TRAPPC9: variants seen among roughly 807,000 people sequenced by gnomAD.
TRAPPC9 encodes IKK2 binding protein.
Under a neutral mutation model 124.0 loss-of-function variants are expected in TRAPPC9, and 83 were observed. The ratio of observed to expected loss-of-function variants is 0.67; its 90% CI spans 0.56 to 0.80. The LOEUF is 0.80. Ranked by LOEUF, TRAPPC9 falls within the 30% of genes least tolerant of loss-of-function variation. TRAPPC9 has a pLI of 0.00. For synonymous variants in TRAPPC9, 638 were observed against 617.5 expected (o/e 1.03, Z -0.49); for missense variants, 1,302 against 1,508.3 (o/e 0.86, Z 2.27).
intron 21 of TRAPPC9, among the ~76,000 whole-genome samples, chr8:139,801,801 G>A (rs370880794): frequency 6.6e-5 from 10 of 152,122 alleles, no homozygotes; most frequent in Non-Finnish European, 1.2e-4. Flanking sequence ...CCTCTCAAGC[G>A]CCAATTAGCT....
intron 5 of TRAPPC9, among the ~76,000 whole-genome samples, chr8:140,423,579 T>TACACACACAC (rs35333495): frequency 0.045 from 6,517 of 145,366 alleles, 175 homozygotes; most frequent in East Asian, 0.083. Context: ...AAATGTGGCA[T>TACACACACAC]ACACACACAC....
At chr8:140,008,416 G>A (rs1838900398) in intron 18 of TRAPPC9, 1 of 152,314 alleles carries the variant, frequency 6.6e-6, no homozygotes. Context: ...AGGATTCGCC[G>A]ACTGGGCTGT....
rs1837127117 is a variant in TRAPPC9, at chr8:139,984,618, A to G, written c.2810+4108T>C. Among the ~76,000 whole-genome samples the G allele has an allele frequency of 6.6e-6, 1 of 152,154 alleles. No individual in the cohort carries two copies. The highest frequency in any genetic ancestry group is 2.4e-5 in the African/African-American group (1 of 41,440). On this transcript the variant is annotated intron_variant, in intron 19 of 22. Coordinates refer to ENST00000438773, the MANE Select transcript of TRAPPC9 (RefSeq NM_001160372.4). This position sits in a 1 kb window ranked among gnomAD's most constrained non-coding sequence, Gnocchi z 4.3. ...TGTAAGGTGCTGTCCGGCGTTGCGAAGTAAGGTAGAGCCATTTCCACTTCC... is the reference window on the plus strand; with the variant it reads ...TGTAAGGTGCTGTCCGGCGTTGCGAGGTAAGGTAGAGCCATTTCCACTTCC...
At chr8:140,099,719 C>G (rs1296410027) in intron 17 of TRAPPC9, 1 of 152,264 alleles carries the variant, frequency 6.6e-6, no homozygotes, top group East Asian at 1.9e-4. Context: ...GGTACTGACA[C>G]CCGCCCGGGT....
At chr8:139,838,486 C>A (rs1386243215) in intron 21 of TRAPPC9, among the ~76,000 whole-genome samples, 3 of 152,202 alleles carry the variant, frequency 2.0e-5, no homozygotes, top group Middle Eastern at 3.2e-3. Context: ...GGGAGTGAGC[C>A]TGGGCCATGG....
At chr8:140,060,536 C>T (rs895187645) in intron 17 of TRAPPC9, among the ~76,000 whole-genome samples, 2 of 152,138 alleles carry the variant, frequency 1.3e-5, no homozygotes, top group African/African-American at 4.8e-5. Context: ...CTTTGCCATT[C>T]CCCATCCCTA....
At chr8:139,756,765 C>T (rs1454755110) in intron 21 of TRAPPC9, among the ~76,000 whole-genome samples, 6 of 128,810 alleles carry the variant, frequency 4.7e-5, no homozygotes, top group Admixed American at 7.5e-5. Flanking sequence ...GACAGCAGGT[C>T]GCAGGAGGAG....
intron 17 of TRAPPC9, among the ~76,000 whole-genome samples, chr8:140,060,451 G>A (rs1587617644): frequency 6.6e-6 from 1 of 152,120 alleles, no homozygotes; most frequent in Non-Finnish European, 1.5e-5. Flanking sequence ...TTTCTCTAAT[G>A]TTCTGCCCCA....
intron 19 of TRAPPC9, among the ~76,000 whole-genome samples, chr8:139,954,655 T>C (rs756218015): frequency 1.3e-5 from 2 of 152,240 alleles, no homozygotes; most frequent in Non-Finnish European, 2.9e-5. Context: ...TCTCAGGACC[T>C]GTGTTTGCGT....
intron 15 of TRAPPC9, among the ~76,000 whole-genome samples, chr8:140,254,679 G>T (rs542757641): frequency 1.7e-4 from 26 of 152,308 alleles, no homozygotes; most frequent in Middle Eastern, 3.4e-3. Flanking sequence ...AGGCAGGAGC[G>T]ACTTGCTGTT....
intron 21 of TRAPPC9, among the ~76,000 whole-genome samples, chr8:139,863,866 T>C (rs568191866): frequency 7.9e-5 from 12 of 152,174 alleles, no homozygotes; most frequent in Non-Finnish European, 1.5e-4. Flanking sequence ...AGGAGCAGCA[T>C]TCACACCGGG....
chr8:140,440,971 A>G (rs893551210), intron 2 of TRAPPC9, among the ~76,000 whole-genome samples: 1 of 73,434 alleles, frequency 1.4e-5, no homozygotes, highest in African/African-American at 4.6e-5. Flanking sequence ...GAACACTGTT[A>G]CTTTTTTTTT....
At chr8:139,847,509 C>G (rs746227808) in intron 21 of TRAPPC9, among the ~76,000 whole-genome samples, 11 of 151,958 alleles carry the variant, frequency 7.2e-5, no homozygotes, top group Non-Finnish European at 1.5e-4. Flanking sequence ...GGGATGGGCA[C>G]GAGCACCTGC....
intron 16 of TRAPPC9, among the ~76,000 whole-genome samples, chr8:140,247,023 T>TC (rs1476775200): frequency 1.3e-5 from 2 of 152,012 alleles, no homozygotes; most frequent in East Asian, 1.9e-4. Context: ...CTTCCCATGC[T>TC]CCCCCCATGT....
At chr8:139,863,154 A>G (rs1828281317) in intron 21 of TRAPPC9, among the ~76,000 whole-genome samples, 1 of 152,242 alleles carries the variant, frequency 6.6e-6, no homozygotes, top group Non-Finnish European at 1.5e-5. Context: ...AAGTGGCAGA[A>G]GCCAGGAAGG....
intron 19 of TRAPPC9, chr8:139,932,560 C>G (rs2233237): frequency 1.3e-5 from 6 of 454,574 alleles, no homozygotes; most frequent in Non-Finnish European, 2.2e-5. Flanking sequence ...CTCAGGAGTT[C>G]GAGACCAGCC....
chr8:140,020,635 A>C (rs1481145566), intron 18 of TRAPPC9, among the ~76,000 whole-genome samples: 1 of 152,192 alleles, frequency 6.6e-6, no homozygotes, highest in Non-Finnish European at 1.5e-5. Flanking sequence ...CAAAAAAAAA[A>C]ATACACATGT....
chr8:140,139,168 G>C (rs542596115), intron 17 of TRAPPC9, among the ~76,000 whole-genome samples: 2 of 152,174 alleles, frequency 1.3e-5, no homozygotes, highest in Non-Finnish European at 2.9e-5. Flanking sequence ...ACAGAAGGCT[G>C]AGGGGGACAG....
intron 1 of TRAPPC9, among the ~76,000 whole-genome samples, chr8:140,452,474 T>C (rs1329490996): frequency 1.3e-5 from 2 of 149,560 alleles, no homozygotes; most frequent in African/African-American, 4.9e-5. Context: ...CTTATAAAAC[T>C]GTATCTAGAT....
Sources: allele counts gnomAD v4.1 joint callset (sites outside exome capture counted in the v4.1 genomes callset), GRCh38; gene constraint gnomAD v4.1.1; non-coding constraint Gnocchi (gnomAD v3.1); transcripts MANE v1.5; gene names NCBI Gene and HGNC (gene_info 2026-07-23, HGNC 2026-07-21).